Variants in NRG1 observed in about 807,000 individuals in gnomAD.
NRG1 encodes pro-neuregulin-1, membrane-bound isoform.
A neutral mutation model predicts 63.8 loss-of-function variants in NRG1; 18 were observed. The ratio of observed to expected loss-of-function variants is 0.28; its 90% CI spans 0.19 to 0.42. NRG1 has a LOEUF of 0.42. Among genes scored for constraint, NRG1 ranks in the 10% least tolerant of loss-of-function variants. NRG1 has a pLI of 1.00. For synonymous variants in NRG1, 302 were observed against 301.3 expected (o/e 1.00, Z -0.02); for missense variants, 762 against 814.7 (o/e 0.94, Z 0.79).
intron 1 of NRG1, among the ~76,000 whole-genome samples, chr8:31,666,493 A>G (rs1806556206): frequency 6.6e-6 from 1 of 152,208 alleles, no homozygotes; most frequent in Admixed American, 6.5e-5. Flanking sequence ...TAACATGATC[A>G]TCTTCAAAAT....
chr8:32,213,303 T>C (rs1332852002), intron 1 of NRG1, among the ~76,000 whole-genome samples: 7 of 152,182 alleles, frequency 4.6e-5, no homozygotes, highest in Non-Finnish European at 8.8e-5. Context: ...GAAGATCATA[T>C]CCTTTGCAGG....
At chr8:31,926,982 A>T (rs1464487480) in intron 1 of NRG1, among the ~76,000 whole-genome samples, 2 of 152,210 alleles carry the variant, frequency 1.3e-5, no homozygotes, top group East Asian at 3.9e-4. Flanking sequence ...CATACTTGAG[A>T]TTTAAAATTC....
intron 1 of NRG1, among the ~76,000 whole-genome samples, chr8:32,265,960 G>A (rs564931316): frequency 5.1e-4 from 78 of 152,292 alleles, no homozygotes; most frequent in African/African-American, 1.9e-3. Flanking sequence ...AAGAATGTAT[G>A]TAGCTTATAG....
rs761273821 is a variant in NRG1 at position 32,189,681 on chromosome 8, T to C, written c.38-406147T>C. On this transcript the variant is annotated intron_variant, in intron 1 of 10. Transcript: ENST00000519301. Reference sequence around the variant, plus strand: ...ATTTGATTTTATTTCTTTCCTCTTATACAATTTGGTGGCCCTCTTAGTGAG... The same window carrying C: ...ATTTGATTTTATTTCTTTCCTCTTACACAATTTGGTGGCCCTCTTAGTGAG... Among the ~76,000 whole-genome samples the C allele has an allele frequency of 9.9e-5, 15 of 152,242 alleles. No individual in the cohort carries two copies. In the South Asian group the frequency reaches 1.0e-3, roughly 11 times the overall value.
chr8:32,721,393 G>A (rs932570881), intron 5 of NRG1, among the ~76,000 whole-genome samples: 3 of 152,144 alleles, frequency 2.0e-5, no homozygotes, highest in Admixed American at 6.5e-5. Flanking sequence ...CTTGTAGGAA[G>A]TCTACAAACC....
rs1225273807 is a variant in NRG1 at position 32,721,035 on chromosome 8, AGGAAG to A, written c.503-6913_503-6909del. 2.6e-5 allele frequency among the ~76,000 whole-genome samples: 4 copies of A among 152,296 alleles called. 1 individual carries two copies. In the East Asian group the frequency reaches 7.7e-4, roughly 29 times the overall value. On this transcript the variant is annotated intron_variant, in intron 5 of 11. Transcript: ENST00000356819. Reference sequence around the variant, plus strand: ...AAGGTCACTTTTCATTCTGCTGAATAGGAAGAAATGATATCAGGGTCTGCCCAGAA... The same window carrying A: ...AAGGTCACTTTTCATTCTGCTGAATAAAATGATATCAGGGTCTGCCCAGAA...
chr8:31,813,293 G>T (rs1390798398), intron 1 of NRG1, among the ~76,000 whole-genome samples: 1 of 151,992 alleles, frequency 6.6e-6, no homozygotes, highest in Non-Finnish European at 1.5e-5. Flanking sequence ...TACATAGTAG[G>T]TGTATGTATG....
intron 1 of NRG1, among the ~76,000 whole-genome samples, chr8:32,247,053 T>TATC (rs1848651655): frequency 6.6e-6 from 1 of 152,086 alleles, no homozygotes; most frequent in African/African-American, 2.4e-5. Flanking sequence ...TAAATCATAT[T>TATC]ATCACTTTGT....
chr8:32,245,001 G>A (rs191705929), intron 1 of NRG1, among the ~76,000 whole-genome samples: 1 of 152,202 alleles, frequency 6.6e-6, no homozygotes, highest in African/African-American at 2.4e-5. Context: ...TTGAAGCTAG[G>A]ATGTCAATGT....
At chr8:32,470,132 C>G (rs1407939451) in intron 1 of NRG1, among the ~76,000 whole-genome samples, 1 of 150,698 alleles carries the variant, frequency 6.6e-6, no homozygotes, top group African/African-American at 2.4e-5. Context: ...CTCGGCCTCC[C>G]GAAGTGCTGG....
At chr8:32,190,201 T>TTATTAAA (rs1842356197) in intron 1 of NRG1, among the ~76,000 whole-genome samples, 1 of 150,806 alleles carries the variant, frequency 6.6e-6, no homozygotes. Context: ...TTATTATTAA[T>TTATTAAA]TTTTTTCTAT....
intron 1 of NRG1, among the ~76,000 whole-genome samples, chr8:31,943,635 G>A (rs1211440161): frequency 2.0e-5 from 3 of 152,116 alleles, no homozygotes; most frequent in Non-Finnish European, 4.4e-5. Context: ...GAAGAAAGGG[G>A]CAATGTGATG....
intron 1 of NRG1, among the ~76,000 whole-genome samples, chr8:31,825,535 A>G (rs767086902): frequency 1.1e-4 from 16 of 152,224 alleles, no homozygotes; most frequent in Non-Finnish European, 2.2e-4. Context: ...TATCCTTACA[A>G]TAGCCTGAGG....
intron 1 of NRG1, among the ~76,000 whole-genome samples, chr8:32,310,158 A>C (rs962366323): frequency 2.6e-5 from 4 of 152,232 alleles, no homozygotes; most frequent in Non-Finnish European, 4.4e-5. Flanking sequence ...GCTTGTTGCT[A>C]ATGCCCTCAA....
At chr8:31,745,339 T>C (rs1034842004) in intron 1 of NRG1, among the ~76,000 whole-genome samples, 6 of 151,884 alleles carry the variant, frequency 4.0e-5, no homozygotes, top group African/African-American at 1.4e-4. Flanking sequence ...CTTTAACTAC[T>C]AAGCAGGTGG....
intron 1 of NRG1, chr8:31,639,958 G>T: frequency 8.9e-7 from 1 of 1,125,332 alleles, no homozygotes; most frequent in Non-Finnish European, 1.1e-6. Flanking sequence ...CGAACCGACA[G>T]CCAGAAGCCC....
intron 1 of NRG1, among the ~76,000 whole-genome samples, chr8:31,986,468 G>A (rs568099744): frequency 1.3e-5 from 2 of 152,134 alleles, no homozygotes; most frequent in African/African-American, 2.4e-5. Flanking sequence ...TCATACAACC[G>A]GTAAAGGGTA....
At chr8:32,695,608 A>C (rs1480366988) in intron 5 of NRG1, among the ~76,000 whole-genome samples, 3 of 152,212 alleles carry the variant, frequency 2.0e-5, no homozygotes, top group Non-Finnish European at 2.9e-5. Flanking sequence ...GAATTCTGAA[A>C]AGCACACGTT....
intron 1 of NRG1, among the ~76,000 whole-genome samples, chr8:31,734,746 G>A (rs1202542984): frequency 6.6e-6 from 1 of 152,188 alleles, no homozygotes; most frequent in African/African-American, 2.4e-5. Flanking sequence ...GCTGATAAAT[G>A]TGTGTGTTTC....
Sources: allele counts gnomAD v4.1 joint callset (sites outside exome capture counted in the v4.1 genomes callset), GRCh38; gene constraint gnomAD v4.1.1; transcripts MANE v1.5; gene names NCBI Gene and HGNC (gene_info 2026-07-23, HGNC 2026-07-21).